ANXA8L1: variants seen among roughly 807,000 people sequenced by gnomAD.
ANXA8L1 encodes annexin A8-like protein 1.
Under a neutral mutation model 22.5 loss-of-function variants are expected in ANXA8L1, and 10 were observed. The observed-to-expected ratio is 0.44, with a 90% CI of 0.27 to 0.75. ANXA8L1 has a LOEUF of 0.75. Among genes scored for constraint, ANXA8L1 ranks in the 30% least tolerant of loss-of-function variants. ANXA8L1 has a pLI of 0.15. For missense variants in ANXA8L1, 88 were observed against 219.6 expected (o/e 0.40, Z 3.79); for synonymous variants, 36 against 86.0 (o/e 0.42, Z 3.22).
intron 8 of ANXA8L1, 57 bp from the exon 9 acceptor site, chr10:46,385,655 C>T: frequency 6.6e-6 from 2 of 302,432 alleles, no homozygotes; most frequent in South Asian, 4.9e-5. Context: ...TGATCCGAGA[C>T]ACTGAGGGGC....
intron 4 of ANXA8L1, among the ~76,000 whole-genome samples, chr10:46,383,128 C>A (rs1274327595): frequency 2.2e-5 from 2 of 90,218 alleles, no homozygotes; most frequent in African/African-American, 9.9e-5. Flanking sequence ...CATTTTACAC[C>A]CACGCTCCCT....
chr10:46,385,537 C>T (rs1355505243), intron 8 of ANXA8L1, 64 bp downstream of exon 8: 7 of 1,238,720 alleles, frequency 5.7e-6, no homozygotes, highest in Non-Finnish European at 4.5e-6. Context: ...GCCTCTCCCT[C>T]GTGCTTCTGC....
chr10:46,383,185 C>T lies in ANXA8L1; in HGVS notation c.322-271C>T, dbSNP rs1358218233. Among the ~76,000 whole-genome samples the T allele has an allele frequency of 4.3e-3, 561 of 131,400 alleles. 7 individuals carry two copies. The highest frequency in any genetic ancestry group is 0.016 in the African/African-American group (521 of 33,150). The allele number at this position is 131,400 out of a possible 152,430, so 86.2% of individuals were successfully genotyped here. On this transcript the variant is annotated intron_variant, in intron 4 of 11. Coordinates refer to ENST00000619162, the MANE Select transcript of ANXA8L1 (RefSeq NM_001098845.3). Reference sequence around the variant, plus strand: ...AGGCTTCTTATTCCTGTTTATGGATCGGGATGCTTAGGCTCCAGGACATGG... The same window carrying T: ...AGGCTTCTTATTCCTGTTTATGGATTGGGATGCTTAGGCTCCAGGACATGG...
Position 46,384,796 on chromosome 10 carries a change from G to T in ANXA8L1, c.515G>T (p.Ser172Ile). Residue 172 changes from serine (S) to isoleucine (I), a missense_variant, in exon 7 of 12, where the codon AGC (serine) becomes ATC (isoleucine). Physicochemically the swap from Ser to Ile is moderately radical, Grantham distance 142. Coordinates refer to ENST00000619162, the MANE Select transcript of ANXA8L1 (RefSeq NM_001098845.3). ...TAGGGCAGCAGGGATGATGTGAGCA[G>T]CTTTGTGGACCCGGCACTGGCCCTC... The part of the protein sequence containing the change: ...LLQGSRDDVS[S>I]FVDPALALQD... The T allele has an allele frequency of 2.5e-6, 4 of 1,613,298 alleles. No individual in the cohort carries two copies. Among genetic ancestry groups the T allele is most frequent in the Non-Finnish European group, 1.7e-6 (2 of 1,179,862 alleles).
In ANXA8L1 at chr10:46,390,839, C is replaced by G. The variant is rs1211371463; in HGVS notation, c.925-32C>G. The G allele has an allele frequency of 1.8e-6, 2 of 1,104,464 alleles. 1 individual carries two copies. The highest frequency in any genetic ancestry group is 2.5e-6 in the Non-Finnish European group (2 of 808,156). The allele number at this position is 1,104,464 out of a possible 1,614,324, so 68.4% of individuals were successfully genotyped here. A position where few individuals can be genotyped will look rare whatever the true frequency, so the allele number is the denominator to read the frequency against. On this transcript the variant is annotated intron_variant, in intron 11 of 11. Coordinates refer to ENST00000619162, the MANE Select transcript of ANXA8L1 (RefSeq NM_001098845.3). ...CTGCCGAGCCAGGCACAAACAAACC[C>G]CTTCTCACGCTTATGCGCCTCCTAC... is the stretch of plus-strand genomic sequence containing the variant.
At chr10:46,378,916 G>A (rs1351169659) in intron 1 of ANXA8L1, among the ~76,000 whole-genome samples, 38 of 140,408 alleles carry the variant, frequency 2.7e-4, no homozygotes, top group Non-Finnish European at 4.5e-5. Flanking sequence ...ATGGATGGGC[G>A]GGTGCATAGA....
At chr10:46,378,149 C>T (rs1839952203) in intron 1 of ANXA8L1, among the ~76,000 whole-genome samples, 1 of 98,902 alleles carries the variant, frequency 1.0e-5, no homozygotes, top group South Asian at 2.6e-4. Context: ...CTACCGCACC[C>T]CTGCGGGACT....
chr10:46,390,012 TG>T (rs1840060253), intron 11 of ANXA8L1, among the ~76,000 whole-genome samples: 3 of 151,276 alleles, frequency 2.0e-5, no homozygotes, highest in Admixed American at 2.0e-4. Flanking sequence ...GTCCAGAGTG[TG>T]GAAAGTGGGT....
chr10:46,384,713 C>A (rs1180606216), intron 6 of ANXA8L1, 61 bp from the exon 7 acceptor site: 13 of 1,612,228 alleles, frequency 8.1e-6, no homozygotes, highest in Non-Finnish European at 1.1e-5. Flanking sequence ...AGGATCCCCC[C>A]TGTGCCCTTA....
intron 4 of ANXA8L1, among the ~76,000 whole-genome samples, chr10:46,383,129 C>T (rs1214307355): frequency 2.2e-5 from 2 of 90,890 alleles, no homozygotes; most frequent in African/African-American, 9.8e-5. Flanking sequence ...ATTTTACACC[C>T]ACGCTCCCTA....
At position 46,389,766 on chromosome 10, in the gene ANXA8L1, C is replaced by T. The variant is rs146169320; in HGVS notation, c.925-1105C>T. Among the ~76,000 whole-genome samples the T allele has an allele frequency of 3.9e-3, 590 of 151,520 alleles. 25 individuals carry two copies. Among genetic ancestry groups the T allele is most frequent in the African/African-American group, 0.013 (546 of 41,026 alleles). ...GCGTAGTGGCCCACACCTGTAATCCCAGTGCTTTGGGAGGCCAACGCAGGA... is the reference window on the plus strand; with the variant it reads ...GCGTAGTGGCCCACACCTGTAATCCTAGTGCTTTGGGAGGCCAACGCAGGA... On this transcript the variant is annotated intron_variant, in intron 11 of 11. Coordinates refer to ENST00000619162, the MANE Select transcript of ANXA8L1 (RefSeq NM_001098845.3).
rs1339428927 is a variant in ANXA8L1, at chr10:46,385,512, G to C, written c.646+39G>C. 7 of 1,300,912 alleles carry C rather than the reference G, an allele frequency of 5.4e-6. 2 individuals are homozygous for C. Among genetic ancestry groups the C allele is most frequent in the Admixed American group, 2.2e-5 (1 of 46,418 alleles). The allele number at this position is 1,300,912 out of a possible 1,614,324, so 80.6% of individuals were successfully genotyped here. ...AGGGGCTGGGGCCGGGGCCACAGGG[G>C]TGTCCTGGCCATGAGCCTCTCCCTC... On this transcript the variant is annotated intron_variant, in intron 8 of 11. Transcript: ENST00000619162.
At chr10:46,376,662 G>T (rs1460096616) in intron 1 of ANXA8L1, among the ~76,000 whole-genome samples, 1 of 134,684 alleles carries the variant, frequency 7.4e-6, no homozygotes, top group Non-Finnish European at 1.6e-5. Flanking sequence ...GGAGCTTTCT[G>T]TCTATGGTTG....
rs1276135404 is a variant in ANXA8L1 at position 46,375,881 on chromosome 10, G to T, written c.21+9G>T. 3 of 1,337,914 alleles carry T rather than the reference G, an allele frequency of 2.2e-6. No individual in the cohort carries two copies. In the South Asian group the frequency reaches 3.6e-5, roughly 16 times the overall value. The allele number at this position is 1,337,914 out of a possible 1,614,324, so 82.9% of individuals were successfully genotyped here. A position where few individuals can be genotyped will look rare whatever the true frequency, so the allele number is the denominator to read the frequency against. ...CCTGGTGGAAAGCCTGGGTAAGTGG[G>T]AGCTGGCAGGAGATTTGCGTTCCTG... On this transcript the variant is annotated intron_variant, in intron 1 of 11. Coordinates refer to ENST00000619162, the MANE Select transcript of ANXA8L1 (RefSeq NM_001098845.3).
chr10:46,390,873 A>G lies in ANXA8L1; in HGVS notation c.927A>G (p.Glu309=), dbSNP rs1554975575. 9 of 1,315,520 alleles carry G rather than the reference A, an allele frequency of 6.8e-6. No homozygotes were observed. The East Asian group carries it at 1.1e-4, about 17-fold the overall frequency. 81.5% of individuals were successfully genotyped at this position (1,315,520 alleles called of 1,614,324 possible). A position where few individuals can be genotyped will look rare whatever the true frequency, so the allele number is the denominator to read the frequency against. ...GCTTATGCGCCTCCTACCCACAGGA[A>G]GACACCAGCGGCGACTACAAGAACG... ...YGKTLSSMIM[E]DTSGDYKNAL... Residue 309 remains glutamate (E), a splice_region_variant and synonymous_variant, in exon 12 of 12, where the codon GAA becomes GAG. Transcript: ENST00000619162.
intron 11 of ANXA8L1, among the ~76,000 whole-genome samples, chr10:46,389,478 C>T (rs1840051785): frequency 6.7e-6 from 1 of 149,864 alleles, no homozygotes; most frequent in South Asian, 2.1e-4. Flanking sequence ...CAAATTTTAT[C>T]TAATGTTGTT....
In ANXA8L1 at chr10:46,383,518, G is replaced by A. The variant is rs1840001291; in HGVS notation, c.384G>A (p.Leu128=). 6 of 914,222 alleles carry A rather than the reference G, an allele frequency of 6.6e-6. No individual in the cohort carries two copies. The allele number at this position is 914,222 out of a possible 1,614,324, so 56.6% of individuals were successfully genotyped here. The change falls in exon 5 of 12, where the codon CTG becomes CTA. Residue 128 remains leucine (L), a synonymous_variant. Transcript: ENST00000619162. Reference sequence around the variant, plus strand: ...TGGCCTCTCGGACCAAGAACCAGCTGCGGGAGATAATGAAGGCGTATGAGG... The same window carrying A: ...TGGCCTCTCGGACCAAGAACCAGCTACGGGAGATAATGAAGGCGTATGAGG... The part of the protein sequence containing the change: ...EILASRTKNQ[L]REIMKAYEED...
At chr10:46,381,290 G>T (rs1839980722) in intron 3 of ANXA8L1, 50 bp downstream of exon 3, 1 of 547,792 alleles carries the variant, frequency 1.8e-6, no homozygotes, top group East Asian at 2.7e-5. Flanking sequence ...TGGGGTTGGG[G>T]GTACAGCCTG....
chr10:46,389,953 A>C (rs1173730928), intron 11 of ANXA8L1, among the ~76,000 whole-genome samples: 2 of 151,574 alleles, frequency 1.3e-5, no homozygotes, highest in Non-Finnish European at 2.9e-5. Context: ...AAAGCAGGCA[A>C]ATTTTACTAA....
Sources: allele counts gnomAD v4.1 joint callset (sites outside exome capture counted in the v4.1 genomes callset), GRCh38; gene constraint gnomAD v4.1.1; transcripts MANE v1.5; gene names NCBI Gene and HGNC (gene_info 2026-07-23, HGNC 2026-07-21).